FTCDNL1: variants seen among roughly 807,000 people sequenced by gnomAD.
The protein encoded by FTCDNL1 is formiminotransferase cyclodeaminase N-terminal like, also known as formiminotransferase N-terminal subdomain-containing protein.
A neutral mutation model predicts 5.9 loss-of-function variants in FTCDNL1; 11 were observed. That is an observed-to-expected ratio of 1.87 (90% confidence interval 1.18 to 3.10). The LOEUF (loss-of-function observed/expected upper bound fraction) is 3.10, where lower values mean the gene tolerates loss of function less well. Among genes scored for constraint, FTCDNL1 ranks in the 30% most tolerant of loss-of-function variants. The pLI is 0.00. For missense variants in FTCDNL1, 115 were observed against 65.5 expected, an observed-to-expected ratio of 1.76 and a Z score of -2.61; for synonymous variants, 58 against 24.8, an observed-to-expected ratio of 2.34 and a Z score of -3.99.
the FTCDNL1 span, among the ~76,000 whole-genome samples, chr2:199,669,897 G>T: frequency 3.3e-5 from 5 of 151,906 alleles, no homozygotes; most frequent in South Asian, 2.1e-4. Context: ...TATAATTTTC[G>T]GGAGTCTTAA....
chr2:199,753,139 T>C, the FTCDNL1 span, among the ~76,000 whole-genome samples: 1 of 152,090 alleles, frequency 6.6e-6, no homozygotes, highest in African/African-American at 2.4e-5. Context: ...GACACATATA[T>C]AAAGGTATGT....
At chr2:199,706,814 C>A in the FTCDNL1 span, among the ~76,000 whole-genome samples, 3,520 of 152,306 alleles carry the variant, frequency 0.023, 143 homozygotes, top group African/African-American at 0.079. Context: ...CAGCTTTCAA[C>A]CATGTTTAGT....
intron 3 of FTCDNL1, among the ~76,000 whole-genome samples, chr2:199,833,093 C>T (rs930771912): frequency 6.6e-6 from 1 of 151,950 alleles, no homozygotes; most frequent in African/African-American, 2.4e-5. Context: ...CTCAGCCTCC[C>T]AAGTAGCTGA....
At chr2:199,765,556 A>ATATATATATATTTTTTTTTTTTTTTTTTT in intron 3 of FTCDNL1, among the ~76,000 whole-genome samples, 1 of 42,666 alleles carries the variant, frequency 2.3e-5, no homozygotes, top group Non-Finnish European at 4.8e-5. Flanking sequence ...ATATATATAT[A>ATATATATATATTTTTTTTTTTTTTTTTTT]TTTTTTTTTT....
At chr2:199,677,548 G>A in the FTCDNL1 span, among the ~76,000 whole-genome samples, 1 of 152,150 alleles carries the variant, frequency 6.6e-6, no homozygotes, top group Non-Finnish European at 1.5e-5. Flanking sequence ...TTTATGAAGA[G>A]AGAGCATTGC....
the FTCDNL1 span, among the ~76,000 whole-genome samples, chr2:199,748,932 C>T: frequency 6.6e-6 from 1 of 152,166 alleles, no homozygotes; most frequent in African/African-American, 2.4e-5. Context: ...CATTGCCTCC[C>T]AAACCCTCTG....
At chr2:199,765,556 A>ATATATATATATATATTTTTTTTT in intron 3 of FTCDNL1, among the ~76,000 whole-genome samples, 4 of 42,664 alleles carry the variant, frequency 9.4e-5, no homozygotes, top group South Asian at 1.9e-3. Context: ...ATATATATAT[A>ATATATATATATATATTTTTTTTT]TTTTTTTTTT....
intron 3 of FTCDNL1, among the ~76,000 whole-genome samples, chr2:199,768,601 A>G (rs1698650206): frequency 6.6e-6 from 1 of 151,994 alleles, no homozygotes; most frequent in Non-Finnish European, 1.5e-5. Context: ...GGAAATCAGA[A>G]GGAAGAATAA....
In FTCDNL1 at chr2:199,812,472, T is replaced by G. The variant is rs1701090326; in HGVS notation, c.*233A>C. On this transcript the variant is annotated 3_prime_UTR_variant, in exon 5 of 5. Transcript: ENST00000420128. ...TAATTTAAACCTACTAAGAAGGTAT[T>G]TTAAATGAGAGAGATAATTAATCCC... 2.3e-6 allele frequency: 1 copy of G among 437,746 alleles called. No homozygotes were observed. Among genetic ancestry groups the G allele is most frequent in the Non-Finnish European group, 4.0e-6 (1 of 249,316 alleles). 27.1% of individuals were successfully genotyped at this position (437,746 alleles called of 1,614,324 possible). A position where few individuals can be genotyped will look rare whatever the true frequency, so the allele number is the denominator to read the frequency against.
At chr2:199,807,810 T>A (rs1192390220), downstream of FTCDNL1, among the ~76,000 whole-genome samples, 1 of 152,194 alleles carries the variant, frequency 6.6e-6, no homozygotes, top group Middle Eastern at 3.2e-3. Flanking sequence ...TCATACATAT[T>A]TGTATCTATT....
chr2:199,706,817 T>C, the FTCDNL1 span, among the ~76,000 whole-genome samples: 1 of 152,150 alleles, frequency 6.6e-6, no homozygotes, highest in Admixed American at 6.5e-5. Context: ...CTTTCAACCA[T>C]GTTTAGTTGT....
intron 3 of FTCDNL1, among the ~76,000 whole-genome samples, chr2:199,838,995 A>G (rs1374131071): frequency 6.6e-6 from 1 of 152,170 alleles, no homozygotes; most frequent in Admixed American, 6.5e-5. Context: ...TCAAGAGGAA[A>G]GACCAAAAAA....
At chr2:199,691,930 G>A in the FTCDNL1 span, among the ~76,000 whole-genome samples, 7 of 152,042 alleles carry the variant, frequency 4.6e-5, no homozygotes, top group Non-Finnish European at 1.5e-5. Flanking sequence ...TGGAATACTG[G>A]GCTGACTCTC....
the FTCDNL1 span, among the ~76,000 whole-genome samples, chr2:199,708,527 G>T: frequency 6.6e-6 from 1 of 152,100 alleles, no homozygotes; most frequent in African/African-American, 2.4e-5. Flanking sequence ...GTATTGGGCT[G>T]TGTTTGTGTT....
downstream of FTCDNL1, among the ~76,000 whole-genome samples, chr2:199,807,065 T>C (rs1700764628): frequency 6.6e-6 from 1 of 152,190 alleles, no homozygotes; most frequent in African/African-American, 2.4e-5. Context: ...AAGAGGCCAA[T>C]CTGAGAAAAG....
chr2:199,763,777 G>A (rs13008446), intron 3 of FTCDNL1, among the ~76,000 whole-genome samples: 76,573 of 152,196 alleles, frequency 0.5, 23,117 homozygotes, highest in Non-Finnish European at 0.66. Context: ...AAAATTTGAA[G>A]TAAATTATGT....
At position 199,846,158 on chromosome 2, in the gene FTCDNL1, G is replaced by A; in HGVS notation, c.128C>T (p.Pro43Leu). The change falls in exon 3 of 5, where the codon CCT (proline) becomes CTT (leucine). Residue 43 changes from proline to leucine, a missense_variant. By Grantham distance (98) the Pro-to-Leu change is moderately conservative (BLOSUM62 -3). Transcript: ENST00000420128. ...AAATATATTGAGCACTGAAACTTGA[G>A]GATGTTTCTTTCCTGTAAAAAAAAC... ...ALLDKNGKKH[P>L]QVSVLNIFSD... The A allele has an allele frequency of 1.4e-6, 1 of 697,384 alleles. No homozygotes were observed. Among genetic ancestry groups the A allele is most frequent in the Non-Finnish European group, 2.6e-6 (1 of 382,660 alleles). The allele number at this position is 697,384 out of a possible 1,614,324, so 43.2% of individuals were successfully genotyped here.
the FTCDNL1 span, among the ~76,000 whole-genome samples, chr2:199,716,474 A>T: frequency 4.6e-5 from 7 of 152,270 alleles, no homozygotes; most frequent in African/African-American, 1.4e-4. Context: ...AATGACTCTG[A>T]GAGTAATTAT....
At chr2:199,776,207 G>A (rs1263721473) in intron 3 of FTCDNL1, among the ~76,000 whole-genome samples, 2 of 152,140 alleles carry the variant, frequency 1.3e-5, no homozygotes, top group Non-Finnish European at 2.9e-5. Flanking sequence ...TTGGAATCCT[G>A]AGATAAGATA....
Sources: gnomAD v4.1 joint callset for allele counts (sites outside exome capture counted in the v4.1 genomes callset) on GRCh38, gnomAD v4.1.1 for gene constraint, MANE v1.5 for transcripts, NCBI Gene and HGNC (gene_info 2026-07-23, HGNC 2026-07-21) for gene names.